Variants in ZNF823 observed in about 807,000 individuals in gnomAD.
ZNF823 encodes ZFP 36 for a zinc finger protein.
In ZNF823, 5 loss-of-function variants were observed where a neutral mutation model predicts 11.4. That is an observed-to-expected ratio of 0.44 (90% CI 0.23 to 0.92). The LOEUF (loss-of-function observed/expected upper bound fraction) is 0.92. Among genes scored for constraint, ZNF823 ranks in the 40% least tolerant of loss-of-function variants. The probability of loss-of-function intolerance (pLI) is 0.24; values close to 1 mark genes in which losing one functional copy is unlikely to be tolerated. For synonymous variants in ZNF823, 234 were observed against 250.5 expected (o/e 0.93, Z 0.62); for missense variants, 582 against 738.5 (o/e 0.79, Z 2.46).
chr19:11,721,270 G>A lies in ZNF823; in HGVS notation c.*431C>T, dbSNP rs1288712933. ...CACAAAACAAAAGCAATCTGTGAAT[G>A]TTAAAACAAATTTTAATGTTCTGGG... On this transcript the variant is annotated 3_prime_UTR_variant, in exon 4 of 4. Coordinates refer to ENST00000341191, the MANE Select transcript of ZNF823 (RefSeq NM_001080493.4). 6.3e-6 allele frequency: 1 copy of A among 157,912 alleles called. No individual in the cohort carries two copies. The highest frequency in any genetic ancestry group is 1.4e-5 in the Non-Finnish European group (1 of 71,698). 9.8% of individuals were successfully genotyped at this position (157,912 alleles called of 1,614,324 possible).
rs866775188 is a variant in ZNF823 at position 11,722,177 on chromosome 19, T to C, written c.1357A>G (p.Ser453Gly). 1 of 1,614,034 alleles carries C rather than the reference T, an allele frequency of 6.2e-7. No homozygotes were observed. Among genetic ancestry groups the C allele is most frequent in the Non-Finnish European group, 8.5e-7 (1 of 1,179,996 alleles). The change falls in exon 4 of 4, where the codon AGT becomes GGT. Residue 453 changes from serine to glycine, a missense_variant. Ser to Gly is a moderately conservative substitution (Grantham distance 56). This residue lies in a region of ZNF823 where 429 missense variants were observed against 553.7 expected (regional missense o/e 0.77). Coordinates refer to ENST00000341191, the MANE Select transcript of ZNF823 (RefSeq NM_001080493.4). The surrounding 1 kb of genome is among the most constrained non-coding windows in gnomAD (Gnocchi z 5.2). ...TGATTTTGAAAGGAAGAGAGATCAC[T>C]AAAGGCTTTCCCACACTGACATTTA... is the stretch of plus-strand genomic sequence containing the variant. ...PYKCQCGKAF[S>G]DLSSFQNHET... is the part of the protein sequence containing the mutation.
At position 11,723,254 on chromosome 19, in the gene ZNF823, G is replaced by A. The variant is rs758465222; in HGVS notation, c.280C>T (p.Arg94Ter). Reference protein sequence around the residue: ...PDSIVNKNTPRVNPCDSGECG... With the variant: ...PDSIVNKNTP ...TCACCACTGTCACATGGATTTACTC[G>A]AGGAGTGTTCTTGTTCACAATACTA... is the stretch of plus-strand genomic sequence containing the variant. Residue 94 changes from arginine (R) to a stop codon, truncating the protein, a stop_gained, in exon 4 of 4, where the codon CGA (arginine) becomes TGA (stop). Transcript: ENST00000341191. LOFTEE classifies it low-confidence loss of function (END_TRUNC). 14 of 1,613,894 alleles carry A rather than the reference G, an allele frequency of 8.7e-6. No homozygotes were observed. The highest frequency in any genetic ancestry group is 1.7e-5 in the Admixed American group (1 of 60,002).
intron 1 of ZNF823, among the ~76,000 whole-genome samples, chr19:11,729,959 G>A (rs898373576): frequency 5.5e-5 from 8 of 146,576 alleles, no homozygotes; most frequent in African/African-American, 1.0e-4. Context: ...ACGGAGTTTC[G>A]CACTTGTTGC....
At chr19:11,732,791 C>G (rs1974926458) in intron 1 of ZNF823, among the ~76,000 whole-genome samples, 1 of 152,202 alleles carries the variant, frequency 6.6e-6, no homozygotes, top group Non-Finnish European at 1.5e-5. Flanking sequence ...AACCTGGAAG[C>G]TGTCCCGATG....
chr19:11,737,506 C>T (rs1174292112), intron 1 of ZNF823, among the ~76,000 whole-genome samples: 1 of 151,852 alleles, frequency 6.6e-6, no homozygotes, highest in Non-Finnish European at 1.5e-5. Flanking sequence ...AGGTGATCCG[C>T]CAGCCTTAGC....
At chr19:11,731,567 C>G (rs76157047) in intron 1 of ZNF823, among the ~76,000 whole-genome samples, 2,055 of 152,242 alleles carry the variant, frequency 0.013, 53 homozygotes, top group East Asian at 0.1. Flanking sequence ...AATTCTTATA[C>G]CACCCAGAAT....
chr19:11,727,041 G>A (rs1002282591), intron 1 of ZNF823, among the ~76,000 whole-genome samples: 12 of 151,990 alleles, frequency 7.9e-5, no homozygotes, highest in African/African-American at 2.7e-4. Context: ...ATTTTTCATT[G>A]GATAATGACA....
At chr19:11,737,146 T>C (rs934895476) in intron 1 of ZNF823, among the ~76,000 whole-genome samples, 2 of 152,290 alleles carry the variant, frequency 1.3e-5, no homozygotes, top group African/African-American at 2.4e-5. Context: ...CAGGACACCA[T>C]AGAGGGTGGG....
intron 1 of ZNF823, among the ~76,000 whole-genome samples, chr19:11,732,169 C>CTTT (rs1170787951): frequency 7.4e-6 from 1 of 135,580 alleles, no homozygotes; most frequent in Admixed American, 7.5e-5. Context: ...AAAGGTTTCC[C>CTTT]TTTTTTTTTT....
chr19:11,725,003 G>A (rs944572742), intron 2 of ZNF823, among the ~76,000 whole-genome samples, 198 bp downstream of exon 2: 23 of 152,080 alleles, frequency 1.5e-4, no homozygotes, highest in African/African-American at 5.6e-4. Context: ...TCAACAATAG[G>A]TTATTAGTGG....
At position 11,721,610 on chromosome 19, in the gene ZNF823, CCATGTTTA is replaced by C; in HGVS notation, c.*83_*90del. 7.8e-7 allele frequency: 1 copy of C among 1,282,526 alleles called. No individual in the cohort carries two copies. The highest frequency in any genetic ancestry group is 1.1e-6 in the Non-Finnish European group (1 of 933,796). 79.4% of individuals were successfully genotyped at this position (1,282,526 alleles called of 1,614,324 possible). ...AATTGAAACTACTTAAGGCTTTATC[CCATGTTTA>C]CATTCATAGGGTCTATCTCCAAAGT... On this transcript the variant is annotated 3_prime_UTR_variant, in exon 4 of 4. Coordinates refer to ENST00000341191, the MANE Select transcript of ZNF823 (RefSeq NM_001080493.4).
Position 11,724,763 on chromosome 19 carries a change from T to A in ZNF823, c.130+438A>T, listed in dbSNP as rs553410041. On this transcript the variant is annotated intron_variant, in intron 2 of 3. Coordinates refer to ENST00000341191, the MANE Select transcript of ZNF823 (RefSeq NM_001080493.4). ...TTTTAGTAGAGACGGGGTTTCACCA[T>A]GTTAGCCAGGATGGTCTCGATCTCC... Among the ~76,000 whole-genome samples, 600 of 151,950 alleles carry A rather than the reference T, an allele frequency of 3.9e-3. 2 individuals carry two copies. Among genetic ancestry groups the A allele is most frequent in the Non-Finnish European group, 6.1e-3 (414 of 67,946 alleles).
At chr19:11,728,398 G>T (rs540509106) in intron 1 of ZNF823, among the ~76,000 whole-genome samples, 1 of 152,224 alleles carries the variant, frequency 6.6e-6, no homozygotes, top group Non-Finnish European at 1.5e-5. Flanking sequence ...GTATATTATG[G>T]CATACTTTTC....
chr19:11,731,195 G>A (rs758969352), intron 1 of ZNF823, among the ~76,000 whole-genome samples: 1 of 151,460 alleles, frequency 6.6e-6, no homozygotes, highest in South Asian at 2.1e-4. Flanking sequence ...GCCTGTAATC[G>A]CAGCTTCTCG....
intron 1 of ZNF823, among the ~76,000 whole-genome samples, chr19:11,727,834 T>C (rs1187305951): frequency 6.6e-6 from 1 of 152,134 alleles, no homozygotes; most frequent in Non-Finnish European, 1.5e-5. Context: ...GCCTTTGTAT[T>C]TTCCAGTTGG....
At chr19:11,736,858 C>T (rs1975000834) in intron 1 of ZNF823, among the ~76,000 whole-genome samples, 1 of 152,190 alleles carries the variant, frequency 6.6e-6, no homozygotes, top group Non-Finnish European at 1.5e-5. Context: ...CTCAATACCG[C>T]CAACCAGCTG....
At chr19:11,730,034 T>G (rs1182029392) in intron 1 of ZNF823, among the ~76,000 whole-genome samples, 1 of 152,060 alleles carries the variant, frequency 6.6e-6, no homozygotes, top group African/African-American at 2.4e-5. Context: ...GTTCAAGTGA[T>G]TCTTCTGCCT....
intron 1 of ZNF823, among the ~76,000 whole-genome samples, chr19:11,734,066 C>G (rs1444247428): frequency 6.6e-6 from 1 of 151,902 alleles, no homozygotes; most frequent in Non-Finnish European, 1.5e-5. Flanking sequence ...GAAACCTCAT[C>G]TCTATGAAAA....
At chr19:11,737,269 TTTC>T (rs1212413617) in intron 1 of ZNF823, among the ~76,000 whole-genome samples, 1 of 152,186 alleles carries the variant, frequency 6.6e-6, no homozygotes, top group Non-Finnish European at 1.5e-5. Context: ...TTTTTTTCTT[TTTC>T]TTTTTTCTGA....
Sources: gnomAD v4.1 joint callset for allele counts (sites outside exome capture counted in the v4.1 genomes callset) on GRCh38, gnomAD v4.1.1 for gene constraint, gnomAD v4.1.1 regional missense constraint, Gnocchi (gnomAD v3.1) non-coding constraint, MANE v1.5 for transcripts, NCBI Gene and HGNC (gene_info 2026-07-23, HGNC 2026-07-21) for gene names.